Variants in EPHA6 observed in about 807,000 individuals in gnomAD.
EPHA6 encodes the protein ephrin type-A receptor 6.
A neutral mutation model predicts 112.0 loss-of-function variants in EPHA6; 50 were observed. The ratio of observed to expected loss-of-function variants is 0.45; its 90% CI spans 0.36 to 0.56. The LOEUF (loss-of-function observed/expected upper bound fraction) is 0.56, where lower values mean the gene tolerates loss of function less well. Ranked by LOEUF, EPHA6 falls within the 20% of genes least tolerant of loss-of-function variation. The pLI is 0.00. For missense variants in EPHA6, 1,280 were observed against 1,417.4 expected, an observed-to-expected ratio of 0.90 and a Z score of 1.56; for synonymous variants, 529 against 490.7, an observed-to-expected ratio of 1.08 and a Z score of -1.03.
At chr3:97,403,433 A>G (rs548629295) in intron 5 of EPHA6, among the ~76,000 whole-genome samples, 3 of 152,072 alleles carry the variant, frequency 2.0e-5, no homozygotes, top group Non-Finnish European at 4.4e-5. Flanking sequence ...ATTTTTCAAA[A>G]TTGTTCTTAA....
intron 15 of EPHA6, among the ~76,000 whole-genome samples, chr3:97,731,561 A>G (rs1286333905): frequency 6.6e-6 from 1 of 152,094 alleles, no homozygotes; most frequent in Non-Finnish European, 1.5e-5. Flanking sequence ...GGCTACCATG[A>G]TGATAATATT....
At chr3:97,679,812 T>C (rs1045256221) in intron 14 of EPHA6, among the ~76,000 whole-genome samples, 2 of 152,158 alleles carry the variant, frequency 1.3e-5, no homozygotes, top group African/African-American at 2.4e-5. Context: ...ATTACACTCT[T>C]GGTGATTCAC....
intron 3 of EPHA6, among the ~76,000 whole-genome samples, chr3:97,115,245 T>C (rs1291000323): frequency 1.3e-5 from 2 of 151,886 alleles, no homozygotes; most frequent in African/African-American, 2.4e-5. Flanking sequence ...TGGGTCATAT[T>C]ACGTAGAACA....
intron 3 of EPHA6, among the ~76,000 whole-genome samples, chr3:97,029,631 G>A (rs2044755757): frequency 6.6e-6 from 1 of 152,036 alleles, no homozygotes; most frequent in African/African-American, 2.4e-5. Flanking sequence ...AGAAATTAAT[G>A]GGGGTGATAG....
At chr3:96,943,009 C>T (rs1404662095) in intron 2 of EPHA6, among the ~76,000 whole-genome samples, 5 of 152,066 alleles carry the variant, frequency 3.3e-5, no homozygotes, top group Non-Finnish European at 7.4e-5. Flanking sequence ...CATTATCCAC[C>T]ACCAGCCTCT....
At chr3:97,182,653 CT>C (rs2077021344) in intron 3 of EPHA6, among the ~76,000 whole-genome samples, 1 of 152,046 alleles carries the variant, frequency 6.6e-6, no homozygotes, top group Non-Finnish European at 1.5e-5. Context: ...TCAATCAGTC[CT>C]GATGAGTTTG....
chr3:97,486,711 T>G (rs1240421195), intron 10 of EPHA6, among the ~76,000 whole-genome samples: 1 of 152,208 alleles, frequency 6.6e-6, no homozygotes, highest in African/African-American at 2.4e-5. Context: ...AAGGATTAAG[T>G]TTCCAGTGTG....
At chr3:97,086,734 A>C (rs1263859421) in intron 3 of EPHA6, among the ~76,000 whole-genome samples, 1 of 152,146 alleles carries the variant, frequency 6.6e-6, no homozygotes. Context: ...TTTATTGAAT[A>C]AATTTATACC....
intron 10 of EPHA6, among the ~76,000 whole-genome samples, chr3:97,515,407 G>T (rs907185450): frequency 6.6e-6 from 1 of 152,200 alleles, no homozygotes; most frequent in African/African-American, 2.4e-5. Context: ...AGGAAACTGA[G>T]ATTCGAAGAC....
rs183450222 is a variant in EPHA6 at position 97,346,930 on chromosome 3, A to G, written c.1607-58220A>G. Among the ~76,000 whole-genome samples, 19 of 152,260 alleles carry G rather than the reference A, an allele frequency of 1.2e-4. No individual in the cohort carries two copies. The East Asian group carries it at 3.5e-3, about 28-fold the overall frequency. On this transcript the variant is annotated intron_variant, in intron 5 of 17. Transcript: ENST00000389672. ...CTTTATAAAATGCCTGACACATAAA[A>G]TGACTCCATAAATGAATGAAGGAGA... is the stretch of plus-strand genomic sequence containing the variant.
intron 9 of EPHA6, among the ~76,000 whole-genome samples, chr3:97,482,134 T>C (rs2091570776): frequency 6.6e-6 from 1 of 152,220 alleles, no homozygotes; most frequent in Admixed American, 6.5e-5. Context: ...CACATATGTT[T>C]ATAAGAAAAA....
chr3:97,603,196 CTT>C (rs1268371929), intron 12 of EPHA6, among the ~76,000 whole-genome samples: 1 of 151,944 alleles, frequency 6.6e-6, no homozygotes, highest in Non-Finnish European at 1.5e-5. Context: ...TAACAAGACA[CTT>C]TTAGTTAAGA....
At chr3:97,155,779 T>G (rs1169023923) in intron 3 of EPHA6, among the ~76,000 whole-genome samples, 3 of 152,108 alleles carry the variant, frequency 2.0e-5, no homozygotes, top group African/African-American at 7.2e-5. Flanking sequence ...CCCAGGCCCT[T>G]GCATGTGGGT....
In EPHA6 at chr3:97,627,652, G is replaced by T. The variant is rs144035894; in HGVS notation, c.2575-10221G>T. Among the ~76,000 whole-genome samples the T allele has an allele frequency of 2.3e-3, 356 of 151,846 alleles. 1 individual carries two copies. The highest frequency in any genetic ancestry group is 8.1e-3 in the African/African-American group (336 of 41,470). On this transcript the variant is annotated intron_variant, in intron 13 of 17. Transcript: ENST00000389672. Reference sequence around the variant, plus strand: ...ATTATTAGCATGAGCCTTTTACTCTGCAGTTAGAATAATAAAATATATAGT... The same window carrying T: ...ATTATTAGCATGAGCCTTTTACTCTTCAGTTAGAATAATAAAATATATAGT...
intron 14 of EPHA6, among the ~76,000 whole-genome samples, chr3:97,700,916 G>T (rs545655726): frequency 1.3e-5 from 2 of 152,256 alleles, no homozygotes; most frequent in African/African-American, 4.8e-5. Context: ...GCAGGGAAAA[G>T]AATGGGAAAG....
chr3:97,529,440 A>G (rs566689331), intron 10 of EPHA6, among the ~76,000 whole-genome samples: 5 of 152,196 alleles, frequency 3.3e-5, no homozygotes, highest in African/African-American at 1.2e-4. Context: ...GGAAAAGAAA[A>G]AAAAGGTAAT....
intron 7 of EPHA6, among the ~76,000 whole-genome samples, chr3:97,460,785 G>A (rs947531963): frequency 3.9e-5 from 6 of 152,104 alleles, no homozygotes; most frequent in Non-Finnish European, 7.4e-5. Flanking sequence ...CTTGGGGTCC[G>A]CTGAGGTCTT....
intron 3 of EPHA6, among the ~76,000 whole-genome samples, chr3:96,993,805 A>G (rs1271525808): frequency 6.6e-6 from 1 of 152,176 alleles, no homozygotes. Context: ...GCTTTTAGAG[A>G]TGATAAACAG....
At chr3:97,607,295 G>A (rs983192842) in intron 12 of EPHA6, among the ~76,000 whole-genome samples, 1 of 150,650 alleles carries the variant, frequency 6.6e-6, no homozygotes, top group Non-Finnish European at 1.5e-5. Context: ...CATGAGAAAA[G>A]TGTAGTCTTA....
Sources: allele counts gnomAD v4.1 joint callset (sites outside exome capture counted in the v4.1 genomes callset), GRCh38; gene constraint gnomAD v4.1.1; transcripts MANE v1.5; gene names NCBI Gene and HGNC (gene_info 2026-07-23, HGNC 2026-07-21).